Variants in ATP8A2 observed in about 807,000 individuals in gnomAD.
ATP8A2 encodes ATPase phospholipid transporting 8A2, also known as phospholipid-transporting ATPase IB.
ATP8A2 carries 100 observed loss-of-function variants against 165.6 expected under a neutral mutation model. The ratio of observed to expected loss-of-function variants is 0.60; its 90% confidence interval spans 0.51 to 0.71. ATP8A2 has a LOEUF of 0.71. Among genes scored for constraint, ATP8A2 ranks in the 30% least tolerant of loss-of-function variants. ATP8A2 has a pLI of 0.00. For synonymous variants in ATP8A2, 543 were observed against 548.8 expected (o/e 0.99, Z 0.15); for missense variants, 1,227 against 1,479.5 (o/e 0.83, Z 2.80).
At chr13:25,694,863 T>C (rs2042802462) in intron 24 of ATP8A2, among the ~76,000 whole-genome samples, 1 of 152,050 alleles carries the variant, frequency 6.6e-6, no homozygotes, top group Admixed American at 6.5e-5. Flanking sequence ...TCCCTTTTTT[T>C]CTAGGGACAG....
At chr13:25,697,623 A>C (rs2042861836) in intron 24 of ATP8A2, among the ~76,000 whole-genome samples, 1 of 152,240 alleles carries the variant, frequency 6.6e-6, no homozygotes, top group Non-Finnish European at 1.5e-5. Context: ...AAGAGGAAGA[A>C]GAATGGGTTT....
intron 27 of ATP8A2, among the ~76,000 whole-genome samples, chr13:25,785,002 A>T (rs551333809): frequency 4.3e-4 from 65 of 151,856 alleles, no homozygotes; most frequent in Non-Finnish European, 7.8e-4. Context: ...TAGCCTCATG[A>T]TCTGCCTGCC....
chr13:25,889,977 A>G (rs1953306315), intron 33 of ATP8A2, among the ~76,000 whole-genome samples: 1 of 152,120 alleles, frequency 6.6e-6, no homozygotes, highest in Non-Finnish European at 1.5e-5. Context: ...CCTGGCTGAC[A>G]TGGTGAAACC....
intron 15 of ATP8A2, among the ~76,000 whole-genome samples, chr13:25,560,980 G>A (rs991282451): frequency 9.3e-5 from 14 of 151,118 alleles, no homozygotes; most frequent in Non-Finnish European, 1.6e-4. Context: ...TCCGCCTCCC[G>A]GGTTCATACC....
chr13:25,846,679 C>G (rs1347861198), intron 30 of ATP8A2, among the ~76,000 whole-genome samples: 1 of 152,120 alleles, frequency 6.6e-6, no homozygotes, highest in Non-Finnish European at 1.5e-5. Flanking sequence ...AAGCAGGGAG[C>G]TGTGCAGTCT....
intron 1 of ATP8A2, among the ~76,000 whole-genome samples, chr13:25,447,146 C>CTT (rs1237039315): frequency 2.6e-5 from 4 of 152,152 alleles, no homozygotes; most frequent in Admixed American, 2.6e-4. Flanking sequence ...TAAATAATAT[C>CTT]TTTCCTTCTC....
At chr13:25,991,841 T>C (rs1467462097) in intron 35 of ATP8A2, among the ~76,000 whole-genome samples, 2 of 152,238 alleles carry the variant, frequency 1.3e-5, no homozygotes, top group African/African-American at 4.8e-5. Flanking sequence ...GGTCTTAATT[T>C]TTCTGGGATA....
At chr13:25,733,128 G>A (rs1182900195) in intron 25 of ATP8A2, among the ~76,000 whole-genome samples, 1 of 152,104 alleles carries the variant, frequency 6.6e-6, no homozygotes, top group African/African-American at 2.4e-5. Flanking sequence ...AGTCTTCAAT[G>A]ACTAATAAGG....
chr13:25,686,324 C>G (rs2042600629), intron 24 of ATP8A2, among the ~76,000 whole-genome samples: 1 of 152,212 alleles, frequency 6.6e-6, no homozygotes, highest in South Asian at 2.1e-4. Context: ...TGCAGTGCTC[C>G]AAGGAGACCT....
At chr13:25,514,602 G>C (rs1009911342) in intron 2 of ATP8A2, among the ~76,000 whole-genome samples, 1 of 152,174 alleles carries the variant, frequency 6.6e-6, no homozygotes, top group African/African-American at 2.4e-5. Flanking sequence ...GAAGAAGGGG[G>C]CTTGTGAGAG....
At chr13:25,625,210 G>T (rs556491448) in intron 24 of ATP8A2, among the ~76,000 whole-genome samples, 80 of 152,286 alleles carry the variant, frequency 5.3e-4, no homozygotes, top group Non-Finnish European at 1.1e-3. Flanking sequence ...TTTGAGCCCC[G>T]TAATCAAGAG....
chr13:25,892,600 T>C (rs1164868539), intron 33 of ATP8A2, among the ~76,000 whole-genome samples: 1 of 151,140 alleles, frequency 6.6e-6, no homozygotes, highest in Non-Finnish European at 1.5e-5. Context: ...TCTCTCTCTC[T>C]CCCTCCTCCT....
chr13:26,017,568 G>A lies in ATP8A2; in HGVS notation c.3470-2320G>A, dbSNP rs149482836. Among the ~76,000 whole-genome samples, 809 of 152,350 alleles carry A rather than the reference G, an allele frequency of 5.3e-3. 8 individuals carry two copies. Among genetic ancestry groups the A allele is most frequent in the Non-Finnish European group, 7.7e-3 (525 of 68,038 alleles). ...GGCAGCTCCTCCAAAGCTGGGCAAC[G>A]GAGGTTTCCTTGTCCCTGCTGCTAA... On this transcript the variant is annotated intron_variant, in intron 36 of 36. Coordinates refer to ENST00000381655, the MANE Select transcript of ATP8A2 (RefSeq NM_016529.6).
At chr13:25,534,347 G>T in intron 6 of ATP8A2, 1 of 409,576 alleles carries the variant, frequency 2.4e-6, no homozygotes, top group Non-Finnish European at 5.0e-6. Flanking sequence ...CTCAAAGTGG[G>T]AGAGATGCTC....
chr13:25,614,934 G>A (rs1413844040), intron 24 of ATP8A2, among the ~76,000 whole-genome samples: 1 of 152,188 alleles, frequency 6.6e-6, no homozygotes, highest in Non-Finnish European at 1.5e-5. Context: ...CTCTGTGAGG[G>A]TACTTGGTTG....
intron 1 of ATP8A2, among the ~76,000 whole-genome samples, chr13:25,431,047 G>T (rs147790451): frequency 6.6e-6 from 1 of 152,130 alleles, no homozygotes; most frequent in African/African-American, 2.4e-5. Flanking sequence ...TAATGGGTGT[G>T]TGCATATGGT....
intron 33 of ATP8A2, among the ~76,000 whole-genome samples, chr13:25,909,319 T>C (rs1052363119): frequency 2.0e-5 from 3 of 152,202 alleles, no homozygotes; most frequent in Non-Finnish European, 4.4e-5. Flanking sequence ...TTTGCAGTGA[T>C]GAATGTGCTC....
chr13:25,749,493 T>C (rs2044109048), intron 25 of ATP8A2, among the ~76,000 whole-genome samples: 1 of 151,614 alleles, frequency 6.6e-6, no homozygotes, highest in East Asian at 1.9e-4. Context: ...GCAGTGGGAA[T>C]GTGGGTGAGG....
intron 24 of ATP8A2, among the ~76,000 whole-genome samples, chr13:25,606,927 G>A (rs945788239): frequency 2.0e-5 from 3 of 151,918 alleles, no homozygotes; most frequent in East Asian, 1.9e-4. Flanking sequence ...AAGGGTCCCC[G>A]ACCCCCAGGG....
Sources: gnomAD v4.1 joint callset for allele counts (sites outside exome capture counted in the v4.1 genomes callset) on GRCh38, gnomAD v4.1.1 for gene constraint, MANE v1.5 for transcripts, NCBI Gene and HGNC (gene_info 2026-07-23, HGNC 2026-07-21) for gene names.